The following NSUN2 variants were observed in gnomAD, a reference collection of about 807,000 sequenced individuals.
NSUN2 encodes the protein NOP2/Sun RNA methyltransferase 2.
Under a neutral mutation model 92.7 loss-of-function variants are expected in NSUN2, and 63 were observed. That is an observed-to-expected ratio of 0.68 (90% CI 0.56 to 0.84). NSUN2 has a LOEUF of 0.84. Ranked by LOEUF, NSUN2 falls within the 40% of genes least tolerant of loss-of-function variation. The probability of loss-of-function intolerance (pLI) is 0.00; values close to 1 mark genes in which losing one functional copy is unlikely to be tolerated. For missense variants in NSUN2, 989 were observed against 964.9 expected (o/e 1.02, Z -0.33); for synonymous variants, 356 against 348.3 (o/e 1.02, Z -0.25).
At chr5:6,608,486 T>C (rs1271461937) in intron 12 of NSUN2, among the ~76,000 whole-genome samples, 3 of 152,224 alleles carry the variant, frequency 2.0e-5, no homozygotes, top group Non-Finnish European at 4.4e-5. Context: ...GCACAGGCCA[T>C]GCTAGCACTA....
chr5:6,606,408 A>T (rs1424647721), intron 14 of NSUN2, among the ~76,000 whole-genome samples: 2 of 152,006 alleles, frequency 1.3e-5, no homozygotes, highest in African/African-American at 4.8e-5. Context: ...CTCAGCCTCC[A>T]GAGTAGCTGG....
intron 7 of NSUN2, among the ~76,000 whole-genome samples, 166 bp downstream of exon 7, chr5:6,619,940 T>C (rs1737367294): frequency 6.6e-6 from 1 of 152,222 alleles, no homozygotes; most frequent in South Asian, 2.1e-4. Flanking sequence ...TGCTTCTCAT[T>C]AAGACGTATC....
intron 12 of NSUN2, 89 bp downstream of exon 12, chr5:6,609,737 T>C: frequency 1.0e-6 from 1 of 985,490 alleles, no homozygotes; most frequent in Non-Finnish European, 1.6e-6. Flanking sequence ...AGCTCCTCTT[T>C]CCTCTGTACT....
At chr5:6,603,959 T>G in intron 17 of NSUN2, 179 bp downstream of exon 17, 1 of 592,142 alleles carries the variant, frequency 1.7e-6, no homozygotes. Flanking sequence ...AAGATGCCTT[T>G]GACCCTTAGC....
At chr5:6,607,726 A>G (rs1420729631) in intron 12 of NSUN2, among the ~76,000 whole-genome samples, 1 of 152,202 alleles carries the variant, frequency 6.6e-6, no homozygotes, top group Non-Finnish European at 1.5e-5. Flanking sequence ...GAAGGACACA[A>G]AGTGCACCAA....
chr5:6,609,996 C>T (rs1460223886), intron 11 of NSUN2, 74 bp from the exon 12 acceptor site: 2 of 992,104 alleles, frequency 2.0e-6, no homozygotes, highest in Non-Finnish European at 3.0e-6. Context: ...ACAAATACCG[C>T]AAAGATGATA....
intron 18 of NSUN2, among the ~76,000 whole-genome samples, chr5:6,600,714 C>T (rs1259265173): frequency 6.6e-6 from 1 of 151,978 alleles, no homozygotes; most frequent in African/African-American, 2.4e-5. Flanking sequence ...GGAGACTCTG[C>T]CCTTAGCAGG....
At position 6,620,137 on chromosome 5, in the gene NSUN2, A is replaced by C; in HGVS notation, c.784T>G (p.Tyr262Asp). The stretch of plus-strand genomic sequence containing the variant: ...GGGACATCACATAAAATTCGATCAT[A>C]GAAGAGGATCTCTTTCCTGCCGTCC... ...DVDGRKEILF[Y>D]DRILCDVPCS... is the part of the protein sequence containing the mutation. Residue 262 changes from tyrosine (Y) to aspartate (D), a missense_variant, in exon 7 of 19, where the codon TAT becomes GAT. Transcript: ENST00000264670. 1 of 1,605,864 alleles carries C rather than the reference A, an allele frequency of 6.2e-7. No individual in the cohort carries two copies. Among genetic ancestry groups the C allele is most frequent in the Non-Finnish European group, 8.5e-7 (1 of 1,177,230 alleles).
intron 9 of NSUN2, among the ~76,000 whole-genome samples, chr5:6,615,777 G>A (rs1406036192): frequency 1.3e-5 from 2 of 152,240 alleles, no homozygotes; most frequent in Admixed American, 1.3e-4. Flanking sequence ...AACATGCTAA[G>A]TTTGAAATTT....
chr5:6,607,302 G>C lies in NSUN2; in HGVS notation c.1406C>G (p.Ser469Cys), dbSNP rs778458661. ...TGTGAATGACGGACTTTCCAGCTTA[G>C]AGGGATCTGTGGGTTTCCCTTCTGT... ...DLTEGKPTDP[S>C]KLESPSFTGT... The change falls in exon 13 of 19, where the codon TCT becomes TGT. Residue 469 changes from serine to cysteine, a missense_variant. By Grantham distance (112) the Ser-to-Cys change is moderately radical. This residue lies in a region of NSUN2 where 626 missense variants were observed against 602.3 expected (regional missense o/e 1.04). Coordinates refer to ENST00000264670, the MANE Select transcript of NSUN2 (RefSeq NM_017755.6). The C allele has an allele frequency of 1.2e-6, 2 of 1,614,192 alleles. No individual in the cohort carries two copies. The highest frequency in any genetic ancestry group is 1.6e-4 in the Middle Eastern group (1 of 6,062).
At chr5:6,606,776 A>G (rs373208667) in intron 14 of NSUN2, 44 bp downstream of exon 14, 5 of 1,064,830 alleles carry the variant, frequency 4.7e-6, no homozygotes, top group Non-Finnish European at 5.8e-6. Context: ...GATACTCTAT[A>G]GTAAATTTCT....
At chr5:6,615,324 C>G (rs1289207269) in intron 9 of NSUN2, among the ~76,000 whole-genome samples, 1 of 152,168 alleles carries the variant, frequency 6.6e-6, no homozygotes, top group East Asian at 1.9e-4. Context: ...CTCAAGCTGC[C>G]TGGAATCATG....
chr5:6,628,354 A>G (rs1446842395), intron 3 of NSUN2, among the ~76,000 whole-genome samples: 1 of 152,168 alleles, frequency 6.6e-6, no homozygotes, highest in East Asian at 1.9e-4. Context: ...AAAAAAAAAT[A>G]TAAGTAAACA....
At position 6,619,845 on chromosome 5, in the gene NSUN2, T is replaced by C. The variant is rs559052106; in HGVS notation, c.815+261A>G. Reference sequence around the variant, plus strand: ...GATTCTATTTTCCTCTTACGTATTTTCTCTGTTTTGTTTTGTTTTCTCTTT... The same window carrying C: ...GATTCTATTTTCCTCTTACGTATTTCCTCTGTTTTGTTTTGTTTTCTCTTT... On this transcript the variant is annotated intron_variant, in intron 7 of 18. Transcript: ENST00000264670. Among the ~76,000 whole-genome samples the C allele has an allele frequency of 4.2e-3, 621 of 149,562 alleles. 5 individuals are homozygous for C. Among genetic ancestry groups the C allele is most frequent in the African/African-American group, 0.015 (576 of 39,518 alleles).
chr5:6,599,309 C>G lies in NSUN2; in HGVS notation c.*617G>C, dbSNP rs1419380721. The G allele has an allele frequency of 6.6e-6, 1 of 152,582 alleles. No homozygotes were observed. The highest frequency in any genetic ancestry group is 1.5e-5 in the Non-Finnish European group (1 of 68,038). 9.5% of individuals were successfully genotyped at this position (152,582 alleles called of 1,614,324 possible). ...ATTTAAAAATAAAAATTGTAAAGCA[C>G]TCCATTCAATAAAAGCACATAAGTC... On this transcript the variant is annotated 3_prime_UTR_variant, in exon 19 of 19. Transcript: ENST00000264670.
At chr5:6,621,155 G>A (rs1404210332) in intron 6 of NSUN2, 1 of 152,138 alleles carries the variant, frequency 6.6e-6, no homozygotes, top group Non-Finnish European at 1.5e-5. Flanking sequence ...TTCCACTTAA[G>A]AGAAAGGGGC....
At position 6,632,726 on chromosome 5, in the gene NSUN2, T is replaced by A. The variant is rs1477302860; in HGVS notation, c.127A>T (p.Lys43Ter). The A allele has an allele frequency of 6.2e-7, 1 of 1,613,890 alleles. No individual in the cohort carries two copies. The highest frequency in any genetic ancestry group is 8.5e-7 in the Non-Finnish European group (1 of 1,179,936). Reference sequence around the variant, plus strand: ...TAGTGCTCGAACAGCTTGTTCTCCTTGACGATCTCGGGGTAGCCTCCTTCC... The same window carrying A: ...TAGTGCTCGAACAGCTTGTTCTCCTAGACGATCTCGGGGTAGCCTCCTTCC... ...GWEGGYPEIV[K>*]ENKLFEHYYQ... Residue 43 changes from lysine to a stop codon, truncating the protein, a stop_gained, in exon 2 of 19, where the codon AAG (lysine) becomes TAG (stop). Transcript: ENST00000264670. LOFTEE classifies it high-confidence loss of function.
Position 6,616,743 on chromosome 5 carries a change from T to A in NSUN2, c.1005A>T (p.Leu335Phe). Residue 335 changes from leucine (L) to phenylalanine (F), a missense_variant, in exon 9 of 19, where the codon TTA (leucine) becomes TTT (phenylalanine). Leu to Phe is a conservative substitution (Grantham distance 22, BLOSUM62 0). This residue lies in a region of NSUN2 where 626 missense variants were observed against 602.3 expected (regional missense o/e 1.04). Transcript: ENST00000264670. ...CGTGCTTACCTTCACTTTTTTCCAG[T>A]AAAGATGCTATGACTGCTTCATCCT... ...PIEDEAVIAS[L>F]LEKSEGALEL... The A allele has an allele frequency of 2.1e-6, 3 of 1,463,406 alleles. No homozygotes were observed. Among genetic ancestry groups the A allele is most frequent in the Non-Finnish European group, 2.7e-6 (3 of 1,103,954 alleles). 90.7% of individuals were successfully genotyped at this position (1,463,406 alleles called of 1,614,324 possible). A position where few individuals can be genotyped will look rare whatever the true frequency, so the allele number is the denominator to read the frequency against.
At position 6,607,208 on chromosome 5, in the gene NSUN2, G is replaced by A. The variant is rs370596266; in HGVS notation, c.1500C>T (p.Gly500=). Residue 500 remains glycine, a synonymous_variant, in exon 13 of 19, where the codon GGC becomes GGT. Coordinates refer to ENST00000264670, the MANE Select transcript of NSUN2 (RefSeq NM_017755.6). The part of the protein sequence containing the change: ...DLENNGSKKD[G]VCGPPPSKKM... ...ATAACCACTTTTCTTACCCACACAC[G>A]CCATCTTTCTTACTGCCATTATTCT... 2.7e-5 allele frequency: 44 copies of A among 1,613,782 alleles called. No homozygotes were observed. Among genetic ancestry groups the A allele is most frequent in the Admixed American group, 1.0e-4 (6 of 59,990 alleles).
Sources: allele counts gnomAD v4.1 joint callset (sites outside exome capture counted in the v4.1 genomes callset), GRCh38; gene constraint gnomAD v4.1.1; regional missense constraint gnomAD v4.1.1; transcripts MANE v1.5; gene names NCBI Gene and HGNC (gene_info 2026-07-23, HGNC 2026-07-21).